Variants in RAD51B observed in about 807,000 individuals in gnomAD.
The protein encoded by RAD51B is DNA repair protein RAD51 homolog 2.
Under a neutral mutation model 42.2 loss-of-function variants are expected in RAD51B, and 38 were observed. The ratio of observed to expected loss-of-function variants is 0.90; its 90% confidence interval spans 0.70 to 1.18. RAD51B has a LOEUF of 1.18. RAD51B is among the 50% of genes most tolerant of loss of function. The pLI is 0.00. For synonymous variants in RAD51B, 154 were observed against 145.2 expected (o/e 1.06, Z -0.43); for missense variants, 373 against 400.7 (o/e 0.93, Z 0.59).
rs183219477 is a variant in RAD51B, at chr14:68,273,162, G to A, written c.757-18722G>A. ...CTTGATTATTTAGTGTAATGTAGGG[G>A]AATAACTGAGATTAACTGGTGGTTA... On this transcript the variant is annotated intron_variant, in intron 7 of 10. Transcript: ENST00000471583. Among the ~76,000 whole-genome samples, 140 of 152,192 alleles carry A rather than the reference G, an allele frequency of 9.2e-4. 3 individuals are homozygous for A. Among genetic ancestry groups the A allele is most frequent in the Middle Eastern group, 3.4e-3 (1 of 294 alleles).
intron 8 of RAD51B, among the ~76,000 whole-genome samples, chr14:68,366,019 T>C (rs2083135091): frequency 6.6e-6 from 1 of 152,242 alleles, no homozygotes; most frequent in Non-Finnish European, 1.5e-5. Context: ...CAAAGACTAG[T>C]GTCGCTTTTT....
At chr14:68,341,740 G>C (rs191342652) in intron 8 of RAD51B, among the ~76,000 whole-genome samples, 1 of 152,078 alleles carries the variant, frequency 6.6e-6, no homozygotes, top group South Asian at 2.1e-4. Context: ...TTGTCAGTAC[G>C]TTCAAAAAGA....
At chr14:68,243,062 G>C (rs2080425605) in intron 7 of RAD51B, among the ~76,000 whole-genome samples, 1 of 152,172 alleles carries the variant, frequency 6.6e-6, no homozygotes. Flanking sequence ...ACCATAAGTA[G>C]TGTGTGCATC....
intron 9 of RAD51B, among the ~76,000 whole-genome samples, chr14:68,442,873 TAATC>T (rs926153101): frequency 6.6e-6 from 1 of 152,188 alleles, no homozygotes; most frequent in East Asian, 1.9e-4. Flanking sequence ...CAAGCCGACT[TAATC>T]AATAAGAGGA....
intron 10 of RAD51B, among the ~76,000 whole-genome samples, chr14:68,501,307 G>A (rs1460402586): frequency 6.6e-6 from 1 of 152,206 alleles, no homozygotes. Context: ...AAGGAAGGAA[G>A]AGACTATGCT....
intron 7 of RAD51B, among the ~76,000 whole-genome samples, chr14:67,995,120 G>A (rs1486765727): frequency 6.6e-6 from 1 of 152,130 alleles, no homozygotes; most frequent in East Asian, 1.9e-4. Context: ...GGGCATGGTT[G>A]CTCACACCTG....
intron 7 of RAD51B, among the ~76,000 whole-genome samples, chr14:68,051,244 A>G (rs917015825): frequency 1.3e-5 from 2 of 152,060 alleles, no homozygotes; most frequent in South Asian, 2.1e-4. Context: ...AAGATTATCT[A>G]CTTCTTAAAT....
At chr14:68,474,840 G>C (rs1290745176) in intron 10 of RAD51B, among the ~76,000 whole-genome samples, 2 of 152,334 alleles carry the variant, frequency 1.3e-5, no homozygotes, top group East Asian at 1.9e-4. Flanking sequence ...AGTTTGGCCA[G>C]GTGTAACTAT....
At chr14:67,979,955 T>C (rs1270832188) in intron 7 of RAD51B, among the ~76,000 whole-genome samples, 3 of 152,190 alleles carry the variant, frequency 2.0e-5, no homozygotes, top group African/African-American at 7.2e-5. Context: ...GCTTAATATA[T>C]AGTAGAGATG....
intron 7 of RAD51B, among the ~76,000 whole-genome samples, chr14:68,184,437 G>A (rs1276646576): frequency 6.6e-6 from 1 of 151,676 alleles, no homozygotes; most frequent in East Asian, 1.9e-4. Flanking sequence ...TAGAGACAGG[G>A]TTTCGCCATG....
intron 7 of RAD51B, among the ~76,000 whole-genome samples, chr14:68,013,214 C>T (rs1260263939): frequency 6.6e-6 from 1 of 152,164 alleles, no homozygotes; most frequent in Admixed American, 6.6e-5. Flanking sequence ...TCCAAATGAA[C>T]TAGTTTGGGC....
At chr14:68,369,788 T>G (rs2083215739) in intron 8 of RAD51B, among the ~76,000 whole-genome samples, 1 of 152,234 alleles carries the variant, frequency 6.6e-6, no homozygotes, top group Admixed American at 6.5e-5. Flanking sequence ...GTCATTTCTC[T>G]GATCACACAG....
At chr14:68,016,499 G>A (rs757170385) in intron 7 of RAD51B, among the ~76,000 whole-genome samples, 8 of 152,164 alleles carry the variant, frequency 5.3e-5, no homozygotes, top group African/African-American at 9.7e-5. Context: ...CAAATGAGGT[G>A]TTTTGAGTAT....
intron 7 of RAD51B, among the ~76,000 whole-genome samples, chr14:68,046,565 C>A (rs562278330): frequency 6.6e-6 from 1 of 152,164 alleles, no homozygotes; most frequent in East Asian, 1.9e-4. Context: ...ATGGTGAAAC[C>A]CTGTCTCTGC....
At chr14:68,645,174 T>A (rs1461611377) in intron 10 of RAD51B, among the ~76,000 whole-genome samples, 1 of 152,190 alleles carries the variant, frequency 6.6e-6, no homozygotes, top group Non-Finnish European at 1.5e-5. Context: ...CCCAAGCCCC[T>A]GGCAAGCACC....
At chr14:68,646,951 A>C (rs1359293240) in intron 10 of RAD51B, among the ~76,000 whole-genome samples, 1 of 152,224 alleles carries the variant, frequency 6.6e-6, no homozygotes, top group Admixed American at 6.5e-5. Context: ...CTATACAATG[A>C]GGCTATTTTA....
intron 7 of RAD51B, among the ~76,000 whole-genome samples, chr14:67,997,429 T>A (rs2075403662): frequency 6.6e-6 from 1 of 151,882 alleles, no homozygotes; most frequent in Non-Finnish European, 1.5e-5. Context: ...GAGGAGAGAG[T>A]GATGCATTAT....
chr14:68,620,028 C>T (rs747062077), intron 10 of RAD51B, among the ~76,000 whole-genome samples: 5 of 152,270 alleles, frequency 3.3e-5, no homozygotes, highest in East Asian at 3.9e-4. Flanking sequence ...GCCACTACCC[C>T]GGGGTTAGCC....
chr14:68,634,477 C>T (rs1295384674), intron 10 of RAD51B, among the ~76,000 whole-genome samples: 1 of 152,092 alleles, frequency 6.6e-6, no homozygotes, highest in South Asian at 2.1e-4. Flanking sequence ...TGCTCAAAAG[C>T]CCGTCGCCTT....
Sources: allele counts gnomAD v4.1 joint callset (sites outside exome capture counted in the v4.1 genomes callset), GRCh38; gene constraint gnomAD v4.1.1; transcripts MANE v1.5; gene names NCBI Gene and HGNC (gene_info 2026-07-23, HGNC 2026-07-21).